Variants in ARHGEF10 observed in about 807,000 individuals in gnomAD.
ARHGEF10 encodes Rho guanine nucleotide exchange factor 10, also known as Rho guanine nucleotide exchange factor (GEF) 10.
In ARHGEF10, 140 loss-of-function variants were observed where a neutral mutation model predicts 147.4. The observed-to-expected ratio is 0.95, with a 90% CI of 0.83 to 1.09. The LOEUF is 1.09. Ranked by LOEUF, ARHGEF10 falls within the 50% of genes least tolerant of loss-of-function variation. The pLI, the probability that ARHGEF10 is intolerant of heterozygous loss-of-function variation, is 0.00. For synonymous variants in ARHGEF10, 902 were observed against 695.8 expected (o/e 1.30, Z -4.67); for missense variants, 2,222 against 1,752.7 (o/e 1.27, Z -4.78).
At chr8:1,900,090 A>G (rs1302991196) in intron 15 of ARHGEF10, among the ~76,000 whole-genome samples, 1 of 152,252 alleles carries the variant, frequency 6.6e-6, no homozygotes, top group Non-Finnish European at 1.5e-5. Flanking sequence ...TACTTTCTAA[A>G]TTTTTTAAAT....
At chr8:1,894,351 G>A (rs752244419) in intron 12 of ARHGEF10, 42 bp from the exon 13 acceptor site, 2 of 1,611,574 alleles carry the variant, frequency 1.2e-6, no homozygotes, top group African/African-American at 2.7e-5. Context: ...CCCAGGCTCT[G>A]AAAAAGAAAA....
At chr8:1,916,016 C>A (rs945514095) in intron 18 of ARHGEF10, among the ~76,000 whole-genome samples, 3 of 152,228 alleles carry the variant, frequency 2.0e-5, no homozygotes, top group Non-Finnish European at 4.4e-5. Context: ...TATCATAGCT[C>A]CTCAGCCATG....
At position 1,928,438 on chromosome 8, in the gene ARHGEF10, C is replaced by G. The variant is rs149640798; in HGVS notation, c.2709C>G (p.Cys903Trp). The change falls in exon 24 of 29, where the codon TGC becomes TGG. Residue 903 changes from cysteine (C) to tryptophan (W), a missense_variant. Physicochemically the swap from Cys to Trp is radical, Grantham distance 215 (BLOSUM62 -2). Coordinates refer to ENST00000349830, the MANE Select transcript of ARHGEF10 (RefSeq NM_014629.4). ...ATTCTCTGATTCAGATCGGAAGTTG[C>G]ACCCATCAAATGGGTCAGATTGCCA... is the stretch of plus-strand genomic sequence containing the variant. ...TAHGFLWIGS[C>W]THQMGQIAIV... 6.2e-7 allele frequency: 1 copy of G among 1,612,708 alleles called. No individual in the cohort carries two copies. The highest frequency in any genetic ancestry group is 2.2e-5 in the East Asian group (1 of 44,838).
intron 1 of ARHGEF10, among the ~76,000 whole-genome samples, 193 bp from the exon 2 acceptor site, chr8:1,843,159 TG>T (rs1804225664): frequency 6.6e-6 from 1 of 152,232 alleles, no homozygotes; most frequent in Non-Finnish European, 1.5e-5. Flanking sequence ...AAGTCTCTTT[TG>T]TTTTGCTCTT....
intron 11 of ARHGEF10, among the ~76,000 whole-genome samples, chr8:1,887,725 CGCTAGATGGGATGAGGGTTTT>C: frequency 7.0e-6 from 1 of 143,848 alleles, no homozygotes; most frequent in East Asian, 2.1e-4. Flanking sequence ...TGTGAGAAGA[CGCTAGATGGGATGAGGGTTTT>C]GAGGAGACAC....
At chr8:1,835,826 G>C (rs1803546162) in intron 1 of ARHGEF10, among the ~76,000 whole-genome samples, 1 of 152,196 alleles carries the variant, frequency 6.6e-6, no homozygotes, top group South Asian at 2.1e-4. Context: ...GCATGAAACG[G>C]TCCTTCAGCC....
At chr8:1,890,960 G>A (rs963563648) in intron 11 of ARHGEF10, among the ~76,000 whole-genome samples, 5 of 152,086 alleles carry the variant, frequency 3.3e-5, no homozygotes, top group African/African-American at 1.2e-4. Flanking sequence ...ATGAAATTCT[G>A]TTTTTTGCTC....
intron 6 of ARHGEF10, among the ~76,000 whole-genome samples, chr8:1,868,657 A>T (rs1310133667): frequency 6.6e-6 from 1 of 152,186 alleles, no homozygotes; most frequent in Non-Finnish European, 1.5e-5. Context: ...ACTTGCTACT[A>T]CTTTTTACTT....
At chr8:1,891,204 T>G (rs898874711) in intron 11 of ARHGEF10, among the ~76,000 whole-genome samples, 1 of 152,202 alleles carries the variant, frequency 6.6e-6, no homozygotes, top group African/African-American at 2.4e-5. Context: ...TCTGCATTCT[T>G]TCATGCAGCT....
Position 1,888,701 on chromosome 8 carries a change from A to AG in ARHGEF10, c.1182+2996dup, listed in dbSNP as rs1355381197. Among the ~76,000 whole-genome samples, 5 of 72,682 alleles carry AG rather than the reference A, an allele frequency of 6.9e-5. 1 individual carries two copies. Among genetic ancestry groups the AG allele is most frequent in the African/African-American group, 2.7e-4 (3 of 11,026 alleles). 47.7% of individuals were successfully genotyped at this position (72,682 alleles called of 152,430 possible). ...TTGTGAGGAGACACTGAATAGGGTGAGGTTTGTGAGGAGACACTGAATAGG... is the reference window on the plus strand; with the variant it reads ...TTGTGAGGAGACACTGAATAGGGTGAGGGTTTGTGAGGAGACACTGAATAGG... On this transcript the variant is annotated intron_variant, in intron 11 of 28. Transcript: ENST00000349830.
At chr8:1,947,735 G>A (rs1285944834) in intron 27 of ARHGEF10, among the ~76,000 whole-genome samples, 5 of 79,318 alleles carry the variant, frequency 6.3e-5, no homozygotes, top group Middle Eastern at 6.7e-3. Flanking sequence ...GTCAGCACCC[G>A]CCCCGGCCCC....
chr8:1,930,593 T>A (rs1813048963), intron 25 of ARHGEF10, among the ~76,000 whole-genome samples: 1 of 148,928 alleles, frequency 6.7e-6, no homozygotes, highest in African/African-American at 2.5e-5. Flanking sequence ...CATTCTGCCC[T>A]CCAACCACCC....
intron 2 of ARHGEF10, among the ~76,000 whole-genome samples, chr8:1,855,982 G>A (rs1687987205): frequency 6.6e-6 from 1 of 151,918 alleles, no homozygotes; most frequent in African/African-American, 2.4e-5. Flanking sequence ...GTGAGGACTG[G>A]TTTGAAAGTA....
At chr8:1,832,697 C>T in intron 1 of ARHGEF10, among the ~76,000 whole-genome samples, 1 of 12,524 alleles carries the variant, frequency 8.0e-5, no homozygotes, top group South Asian at 2.1e-3. Context: ...GACAGAGAGA[C>T]AGGCAGAGGC....
Position 1,957,179 on chromosome 8 carries a change from G to T in ARHGEF10, c.3951G>T (p.Arg1317=), listed in dbSNP as rs1301028485. ...LVVCGGQGHR[R]VHRKARQPHQ... ...TCTGTGGAGGGCAGGGCCACCGCCGGGTGCACAGGAAGGCCCGGCAGCCCC... is the reference window on the plus strand; with the variant it reads ...TCTGTGGAGGGCAGGGCCACCGCCGTGTGCACAGGAAGGCCCGGCAGCCCC... Residue 1317 remains arginine, a synonymous_variant, in exon 29 of 29, where the codon CGG becomes CGT. Transcript: ENST00000349830. The T allele has an allele frequency of 2.5e-6, 4 of 1,612,594 alleles. No individual in the cohort carries two copies. The South Asian group carries it at 4.4e-5, about 18-fold the overall frequency.
chr8:1,920,226 A>G (rs1812176198), intron 18 of ARHGEF10, among the ~76,000 whole-genome samples: 1 of 152,232 alleles, frequency 6.6e-6, no homozygotes, highest in African/African-American at 2.4e-5. Context: ...CCAAAAATAG[A>G]AGGGTCAATT....
rs1170909206 is a variant in ARHGEF10 at position 1,933,828 on chromosome 8, A to C, written c.3108A>C (p.Lys1036Asn). The change falls in exon 26 of 29, where the codon AAA (lysine) becomes AAC (asparagine). Residue 1036 changes from lysine to asparagine, a missense_variant. By Grantham distance (94) the Lys-to-Asn change is moderately conservative. Transcript: ENST00000349830. ...PDGSWDSEPQKVIKLGVLPVR... is the reference protein window; with the variant it reads ...PDGSWDSEPQNVIKLGVLPVR... ...GATCCTGGGATTCAGAACCTCAAAAAGTGATCAAGTTAGGCGTCCTACCAG... is the reference window on the plus strand; with the variant it reads ...GATCCTGGGATTCAGAACCTCAAAACGTGATCAAGTTAGGCGTCCTACCAG... 1 of 1,614,104 alleles carries C rather than the reference A, an allele frequency of 6.2e-7. No individual in the cohort carries two copies. The highest frequency in any genetic ancestry group is 1.3e-5 in the African/African-American group (1 of 74,942).
At chr8:1,931,933 C>A (rs913511256) in intron 25 of ARHGEF10, among the ~76,000 whole-genome samples, 1 of 152,198 alleles carries the variant, frequency 6.6e-6, no homozygotes, top group East Asian at 1.9e-4. Context: ...GAAGTTAAAC[C>A]TTAACCGAGG....
intron 16 of ARHGEF10, among the ~76,000 whole-genome samples, chr8:1,905,192 A>G (rs1810785697): frequency 6.6e-6 from 1 of 152,196 alleles, no homozygotes; most frequent in Non-Finnish European, 1.5e-5. Context: ...TGGTTCATAC[A>G]AAGCGTCTTT....
Sources: gnomAD v4.1 joint callset for allele counts (sites outside exome capture counted in the v4.1 genomes callset) on GRCh38, gnomAD v4.1.1 for gene constraint, MANE v1.5 for transcripts, NCBI Gene and HGNC (gene_info 2026-07-23, HGNC 2026-07-21) for gene names.